Variants in GPR137 observed in about 807,000 individuals in gnomAD.
GPR137 encodes integral membrane protein GPR137.
Under a neutral mutation model 38.9 loss-of-function variants are expected in GPR137, and 20 were observed. The ratio of observed to expected loss-of-function variants is 0.51; its 90% confidence interval spans 0.36 to 0.75. The LOEUF is 0.75. Among genes scored for constraint, GPR137 ranks in the 30% least tolerant of loss-of-function variants. The probability of loss-of-function intolerance (pLI) is 0.00; values close to 1 mark genes in which losing one functional copy is unlikely to be tolerated. For missense variants in GPR137, 456 were observed against 526.4 expected, an observed-to-expected ratio of 0.87 and a Z score of 1.31; for synonymous variants, 226 against 235.8, an observed-to-expected ratio of 0.96 and a Z score of 0.38.
chr11:64,275,432 C>T (rs1452592202), upstream of GPR137, among the ~76,000 whole-genome samples: 1 of 152,186 alleles, frequency 6.6e-6, no homozygotes, highest in South Asian at 2.1e-4. Context: ...TTCTCCAACC[C>T]TTTGGGGCCC....
At position 64,287,490 on chromosome 11, in the gene GPR137, G is replaced by A. The variant is rs548745253; in HGVS notation, c.408-231G>A. On this transcript the variant is annotated intron_variant, in intron 2 of 6. Coordinates refer to ENST00000438980, the MANE Select transcript of GPR137 (RefSeq NM_001170880.2). ...AGCAGGATCAAGGTCGCAGAGCTGG[G>A]GCTCAGACAGAGACTTCTGACTCCA... The A allele has an allele frequency of 6.7e-6, 4 of 595,544 alleles. No individual in the cohort carries two copies. In the South Asian group the frequency reaches 2.2e-4, roughly 33 times the overall value. 36.9% of individuals were successfully genotyped at this position (595,544 alleles called of 1,614,324 possible).
At chr11:64,287,383 C>T in intron 2 of GPR137, 1 of 895,486 alleles carries the variant, frequency 1.1e-6, no homozygotes, top group Non-Finnish European at 1.3e-6. Context: ...CTTTCCCAGC[C>T]ATCTTTTATT....
rs773551093 is a variant in GPR137, at chr11:64,289,378, G to A, written c.*182G>A. ...GCCGTCCCCCTAGGATGGGGGGCAT[G>A]GCCCTGGCTGCCAGATGCCCACAGC... On this transcript the variant is annotated 3_prime_UTR_variant, in exon 7 of 7. Transcript: ENST00000438980. 4 of 1,558,220 alleles carry A rather than the reference G, an allele frequency of 2.6e-6. No individual in the cohort carries two copies. Among genetic ancestry groups the A allele is most frequent in the East Asian group, 4.5e-5 (2 of 44,474 alleles).
upstream of GPR137, chr11:64,284,227 C>T (rs11541683): frequency 3.1e-6 from 5 of 1,605,802 alleles, no homozygotes; most frequent in Admixed American, 1.7e-5. Flanking sequence ...TGGTGACTGG[C>T]GTCCCACAGG....
At chr11:64,285,533 G>T, upstream of GPR137, 1 of 985,018 alleles carries the variant, frequency 1.0e-6, no homozygotes, top group Non-Finnish European at 1.2e-6. Context: ...ATCCGTTGCC[G>T]CCCCCGGCCG....
At chr11:64,279,273 A>G (rs2033268311) in intron 2 of GPR137, among the ~76,000 whole-genome samples, 1 of 152,052 alleles carries the variant, frequency 6.6e-6, no homozygotes, top group South Asian at 2.1e-4. Flanking sequence ...CCCAACTCCA[A>G]CGATGCTGCG....
At chr11:64,273,855 C>CTAAAA (rs2032828783), upstream of GPR137, among the ~76,000 whole-genome samples, 1 of 54,820 alleles carries the variant, frequency 1.8e-5, no homozygotes, top group Non-Finnish European at 3.1e-5. Context: ...GCACCCATCT[C>CTAAAA]AAAAAAAAAA....
upstream of GPR137, chr11:64,284,336 C>T (rs1230177691): frequency 5.6e-6 from 9 of 1,612,908 alleles, no homozygotes; most frequent in South Asian, 1.1e-5. Context: ...AGTCTTCCTG[C>T]TCACTCGGCT....
rs2034074950 is a variant in GPR137, at chr11:64,286,484, C to T, written c.-41C>T. ...TATTTCCCTGGTCCCGCCGACAGTC[C>T]CTCCTTGTCTGTCTCCGGGATTCAG... On this transcript the variant is annotated 5_prime_UTR_variant, in exon 1 of 7. Coordinates refer to ENST00000438980, the MANE Select transcript of GPR137 (RefSeq NM_001170880.2). 1 of 1,574,126 alleles carries T rather than the reference C, an allele frequency of 6.4e-7. No individual in the cohort carries two copies.
At chr11:64,280,573 G>A (rs1467169179), upstream of GPR137, among the ~76,000 whole-genome samples, 1 of 150,772 alleles carries the variant, frequency 6.6e-6, no homozygotes, top group Non-Finnish European at 1.5e-5. Context: ...GGATGGTCTT[G>A]ATCTCCTGAC....
upstream of GPR137, among the ~76,000 whole-genome samples, chr11:64,271,421 G>C (rs943252709): frequency 6.6e-6 from 1 of 151,860 alleles, no homozygotes; most frequent in Non-Finnish European, 1.5e-5. Flanking sequence ...CGGGGGAAGA[G>C]CTGGGGAGTG....
chr11:64,274,340 T>C (rs1454960083), upstream of GPR137, among the ~76,000 whole-genome samples: 2 of 148,962 alleles, frequency 1.3e-5, no homozygotes, highest in Admixed American at 1.3e-4. Flanking sequence ...TGAGCTGAGA[T>C]CACGCCACTG....
chr11:64,271,432 G>A (rs900486647), upstream of GPR137, among the ~76,000 whole-genome samples: 3 of 151,966 alleles, frequency 2.0e-5, no homozygotes, highest in Non-Finnish European at 4.4e-5. Context: ...CTGGGGAGTG[G>A]GGGCGGGGAA....
chr11:64,279,892 C>A (rs2033324829), upstream of GPR137, among the ~76,000 whole-genome samples: 2 of 152,002 alleles, frequency 1.3e-5, no homozygotes, highest in African/African-American at 4.8e-5. Context: ...AAGCCAGATT[C>A]CTTGGTGTTG....
At chr11:64,279,492 C>T (rs1419180912), upstream of GPR137, among the ~76,000 whole-genome samples, 2 of 152,232 alleles carry the variant, frequency 1.3e-5, no homozygotes, top group East Asian at 1.9e-4. Flanking sequence ...AGCGGCCAGA[C>T]GCGGTGGCTC....
At chr11:64,274,707 G>C (rs1277647253), upstream of GPR137, among the ~76,000 whole-genome samples, 1 of 152,102 alleles carries the variant, frequency 6.6e-6, no homozygotes, top group African/African-American at 2.4e-5. Context: ...TGTAATCCCA[G>C]CTACTCAGGA....
upstream of GPR137, chr11:64,285,824 G>A (rs1591194918): frequency 1.0e-6 from 1 of 985,294 alleles, no homozygotes; most frequent in Non-Finnish European, 1.2e-6. Flanking sequence ...CGGCGCCCGC[G>A]CAGGCGCGGA....
chr11:64,270,594 C>T, exon 1 of GPR137: 1 of 689,262 alleles, frequency 1.5e-6, no homozygotes, highest in Middle Eastern at 2.3e-4. Context: ...AATGGAAAGG[C>T]CAGAGCTGGA....
At chr11:64,278,107 G>A (rs1242949432) in intron 2 of GPR137, among the ~76,000 whole-genome samples, 1 of 152,122 alleles carries the variant, frequency 6.6e-6, no homozygotes, top group African/African-American at 2.4e-5. Context: ...GAGCAACACA[G>A]AAAGACCCTT....
Sources: gnomAD v4.1 joint callset for allele counts (sites outside exome capture counted in the v4.1 genomes callset) on GRCh38, gnomAD v4.1.1 for gene constraint, MANE v1.5 for transcripts, NCBI Gene and HGNC (gene_info 2026-07-23, HGNC 2026-07-21) for gene names.